PLCD4: variants seen among roughly 807,000 people sequenced by gnomAD.
The protein encoded by PLCD4 is 1-phosphatidylinositol 4,5-bisphosphate phosphodiesterase delta-4.
PLCD4 carries 63 observed loss-of-function variants against 90.2 expected under a neutral mutation model. The observed-to-expected ratio is 0.70, with a 90% CI of 0.57 to 0.86. PLCD4 has a LOEUF of 0.86. PLCD4 is among the 40% of genes least tolerant of loss of function. PLCD4 has a pLI of 0.00. For synonymous variants in PLCD4, 294 were observed against 356.5 expected, an observed-to-expected ratio of 0.82 and a Z score of 1.97; for missense variants, 830 against 956.3, an observed-to-expected ratio of 0.87 and a Z score of 1.74.
At chr2:218,629,483 C>G in intron 7 of PLCD4, 36 bp from the exon 8 acceptor site, 1 of 1,607,892 alleles carries the variant, frequency 6.2e-7, no homozygotes, top group Non-Finnish European at 8.5e-7. Flanking sequence ...AGATATTGAC[C>G]TCTCCTATTT....
intron 3 of PLCD4, 73 bp downstream of exon 3, chr2:218,616,135 C>A: frequency 6.5e-7 from 1 of 1,527,112 alleles, no homozygotes; most frequent in Non-Finnish European, 8.9e-7. Flanking sequence ...GGGGAGGGAC[C>A]AAAGTCCTAC....
chr2:218,613,734 A>T (rs1457529874), intron 1 of PLCD4, among the ~76,000 whole-genome samples: 3 of 151,872 alleles, frequency 2.0e-5, no homozygotes, highest in South Asian at 4.2e-4. Context: ...CGGCTAATTT[A>T]AAAAAATTCT....
At chr2:218,618,842 G>T in intron 4 of PLCD4, 35 bp downstream of exon 4, 1 of 1,542,572 alleles carries the variant, frequency 6.5e-7, no homozygotes, top group South Asian at 1.2e-5. Flanking sequence ...GGGGGTGAGG[G>T]ATCACGCTAT....
intron 14 of PLCD4, 138 bp downstream of exon 14, chr2:218,636,069 G>C: frequency 1.4e-6 from 2 of 1,449,294 alleles, no homozygotes; most frequent in Non-Finnish European, 1.9e-6. Context: ...AAAGAATCCT[G>C]GCTCTTCACT....
At position 218,633,672 on chromosome 2, in the gene PLCD4, G is replaced by T; in HGVS notation, c.1517G>T (p.Arg506Leu). 6.2e-7 allele frequency: 1 copy of T among 1,613,142 alleles called. No individual in the cohort carries two copies. Among genetic ancestry groups the T allele is most frequent in the Non-Finnish European group, 8.5e-7 (1 of 1,179,248 alleles). ...LVIYLKSVSF[R>L]SFTHSKEHYH... is the part of the protein sequence containing the mutation. ...ATCTACTTGAAGTCTGTCTCATTCC[G>T]CAGCTTCACACATTCAAAGGAGCAC... Residue 506 changes from arginine (R) to leucine (L), a missense_variant, in exon 11 of 16, where the codon CGC (arginine) becomes CTC (leucine). Transcript: ENST00000450993.
At chr2:218,622,920 G>C in intron 6 of PLCD4, 42 bp downstream of exon 6, 1 of 1,539,794 alleles carries the variant, frequency 6.5e-7, no homozygotes, top group Non-Finnish European at 8.9e-7. Context: ...ATAGGGGTTG[G>C]AGAGAGGGAC....
Position 218,613,733 on chromosome 2 carries a change from T to C in PLCD4, c.-33-1974T>C, listed in dbSNP as rs1575012909. Among the ~76,000 whole-genome samples, 4 of 152,140 alleles carry C rather than the reference T, an allele frequency of 2.6e-5. No homozygotes were observed. The South Asian group carries it at 8.3e-4, about 32-fold the overall frequency. On this transcript the variant is annotated intron_variant, in intron 1 of 15. Coordinates refer to ENST00000450993, the MANE Select transcript of PLCD4 (RefSeq NM_032726.4). Reference sequence around the variant, plus strand: ...TGTACACTACCACACTCGGCTAATTTAAAAAAATTCTTTGTAGAGATGGAG... The same window carrying C: ...TGTACACTACCACACTCGGCTAATTCAAAAAAATTCTTTGTAGAGATGGAG...
intron 11 of PLCD4, 105 bp from the exon 12 acceptor site, chr2:218,634,000 G>A: frequency 1.4e-6 from 2 of 1,460,242 alleles, no homozygotes; most frequent in Non-Finnish European, 1.9e-6. Context: ...TCTGGAGCCA[G>A]CTTCAGATGC....
At chr2:218,631,828 C>CT (rs968893328) in intron 9 of PLCD4, among the ~76,000 whole-genome samples, 2 of 151,636 alleles carry the variant, frequency 1.3e-5, no homozygotes, top group Non-Finnish European at 2.9e-5. Flanking sequence ...AAAAGGTTCT[C>CT]TATTTCCTTC....
At position 218,634,477 on chromosome 2, in the gene PLCD4, TG is replaced by T; in HGVS notation, c.1744del (p.Ala582GlnfsTer22). ...CCTCAGTGGCCATGAATATGCAGAC[TG>T]CAGGGCTTGAAATGGACATCTGTGA... ...CQMVAMNMQT[A>X]GLEMDICDGH... On this transcript the variant is annotated frameshift_variant, in exon 13 of 16. Transcript: ENST00000450993. LOFTEE classifies it high-confidence loss of function. The surrounding 1 kb of genome is among the most constrained non-coding windows in gnomAD (Gnocchi z 4.0). The T allele has an allele frequency of 6.2e-7, 1 of 1,613,878 alleles. No individual in the cohort carries two copies. Among genetic ancestry groups the T allele is most frequent in the Non-Finnish European group, 8.5e-7 (1 of 1,179,816 alleles).
At chr2:218,620,999 G>A (rs1366631330) in intron 4 of PLCD4, among the ~76,000 whole-genome samples, 2 of 151,032 alleles carry the variant, frequency 1.3e-5, no homozygotes, top group Admixed American at 6.6e-5. Flanking sequence ...GTGCCATCTC[G>A]GCTCCATGCA....
intron 7 of PLCD4, 200 bp downstream of exon 7, chr2:218,628,430 C>T (rs563321821): frequency 3.8e-6 from 2 of 528,344 alleles, no homozygotes; most frequent in Admixed American, 6.2e-5. Flanking sequence ...AATGGAACTT[C>T]TCTTTCACAA....
intron 4 of PLCD4, among the ~76,000 whole-genome samples, chr2:218,620,090 G>A (rs1455779384): frequency 6.6e-6 from 1 of 152,068 alleles, no homozygotes; most frequent in Non-Finnish European, 1.5e-5. Flanking sequence ...ACATTGCTCA[G>A]GCTAGTCTCT....
At chr2:218,611,116 G>C (rs188700394) in intron 1 of PLCD4, among the ~76,000 whole-genome samples, 2 of 151,960 alleles carry the variant, frequency 1.3e-5, no homozygotes, top group Non-Finnish European at 2.9e-5. Context: ...TCTAGTCCTC[G>C]GGCTCCTTTT....
chr2:218,616,437 A>G (rs951699080), intron 3 of PLCD4, among the ~76,000 whole-genome samples: 1 of 152,150 alleles, frequency 6.6e-6, no homozygotes, highest in Admixed American at 6.6e-5. Context: ...ATGGCTGGGC[A>G]TGGTGGCTCA....
In PLCD4 at chr2:218,622,756, C is replaced by T; in HGVS notation, c.650C>T (p.Ala217Val). 6.2e-7 allele frequency: 1 copy of T among 1,613,978 alleles called. No homozygotes were observed. The highest frequency in any genetic ancestry group is 8.5e-7 in the Non-Finnish European group (1 of 1,179,894). Residue 217 changes from alanine (A) to valine (V), a missense_variant, in exon 6 of 16, where the codon GCT (alanine) becomes GTT (valine). Coordinates refer to ENST00000450993, the MANE Select transcript of PLCD4 (RefSeq NM_032726.4). ...CAGGAACTGTTTGAAAGTTTTTCAG[C>T]TGATGGGCAGAAGCTGACTCTGCTG... ...EVQELFESFS[A>V]DGQKLTLLEF...
chr2:218,621,382 G>T, intron 4 of PLCD4, 88 bp from the exon 5 acceptor site: 1 of 1,472,350 alleles, frequency 6.8e-7, no homozygotes. Context: ...GCAGGAAAGA[G>T]AGGGGAGAGA....
chr2:218,618,632 C>A lies in PLCD4; in HGVS notation c.235C>A (p.Arg79Ser), dbSNP rs747172541. Residue 79 changes from arginine to serine, a missense_variant, in exon 4 of 16, where the codon CGT (arginine) becomes AGT (serine). Physicochemically the swap from Arg to Ser is moderately radical, Grantham distance 110. Coordinates refer to ENST00000450993, the MANE Select transcript of PLCD4 (RefSeq NM_032726.4). ...TAATGGCCATGATTCCGAGTTGCTG[C>A]GTAGCCTGGCAGAGGAGCTCCCCCT... ...IRNGHDSELL[R>S]SLAEELPLEQ... The A allele has an allele frequency of 6.2e-7, 1 of 1,614,044 alleles. No individual in the cohort carries two copies. Among genetic ancestry groups the A allele is most frequent in the East Asian group, 2.2e-5 (1 of 44,888 alleles).
intron 4 of PLCD4, 194 bp downstream of exon 4, chr2:218,619,001 C>T (rs1695756110): frequency 3.4e-6 from 2 of 594,214 alleles, no homozygotes; most frequent in Admixed American, 6.0e-5. Flanking sequence ...CCAAGGATCA[C>T]ATAGCCAGGC....
Sources: gnomAD v4.1 joint callset for allele counts (sites outside exome capture counted in the v4.1 genomes callset) on GRCh38, gnomAD v4.1.1 for gene constraint, Gnocchi (gnomAD v3.1) non-coding constraint, MANE v1.5 for transcripts, NCBI Gene and HGNC (gene_info 2026-07-23, HGNC 2026-07-21) for gene names.